The following RSRC2 variants were observed in gnomAD, a reference collection of about 807,000 sequenced individuals.
RSRC2 encodes arginine/serine-rich coiled-coil protein 2.
Under a neutral mutation model 61.3 loss-of-function variants are expected in RSRC2, and 5 were observed. The ratio of observed to expected loss-of-function variants is 0.08; its 90% CI spans 0.04 to 0.17. The LOEUF (loss-of-function observed/expected upper bound fraction) is 0.17. Ranked by LOEUF, RSRC2 falls within the 10% of genes least tolerant of loss-of-function variation. RSRC2 has a pLI of 1.00. For missense variants in RSRC2, 381 were observed against 518.8 expected (o/e 0.73, Z 2.58); for synonymous variants, 202 against 166.5 (o/e 1.21, Z -1.64).
At chr12:122,519,244 T>A (rs1046937216) in intron 3 of RSRC2, 8 of 494,744 alleles carry the variant, frequency 1.6e-5, no homozygotes, top group Non-Finnish European at 2.5e-5. Flanking sequence ...CTCCCCAAAA[T>A]ATTTTCAATA....
At chr12:122,506,184 G>A (rs897329314) in intron 9 of RSRC2, among the ~76,000 whole-genome samples, 1 of 151,894 alleles carries the variant, frequency 6.6e-6, no homozygotes, top group Non-Finnish European at 1.5e-5. Flanking sequence ...TCAGGATTTC[G>A]AGACTAGCCT....
chr12:122,523,107 G>C (rs1959473050), intron 1 of RSRC2: 1 of 152,114 alleles, frequency 6.6e-6, no homozygotes, highest in African/African-American at 2.4e-5. Context: ...TCCTCATTCT[G>C]TTTCTGTATG....
chr12:122,510,368 A>G (rs1958408759), intron 7 of RSRC2, among the ~76,000 whole-genome samples: 1 of 152,156 alleles, frequency 6.6e-6, no homozygotes, highest in Admixed American at 6.5e-5. Flanking sequence ...CGTCTCTACT[A>G]AAAATACAAA....
In RSRC2 at chr12:122,506,824, T is replaced by C; in HGVS notation, c.1125+10A>G. The C allele has an allele frequency of 6.5e-7, 1 of 1,528,224 alleles. No individual in the cohort carries two copies. Among genetic ancestry groups the C allele is most frequent in the African/African-American group, 1.4e-5 (1 of 73,098 alleles). The allele number at this position is 1,528,224 out of a possible 1,614,324, so 94.7% of individuals were successfully genotyped here. On this transcript the variant is annotated intron_variant, in intron 9 of 9. Transcript: ENST00000331738. ...TAATACAAAGATCCCCTGGCACATG[T>C]GAAACTCACCTTAATACCCATCAAT...
Position 122,518,971 on chromosome 12 carries a change from T to C in RSRC2, c.266A>G (p.Asn89Ser), listed in dbSNP as rs1428555265. 1 of 1,613,730 alleles carries C rather than the reference T, an allele frequency of 6.2e-7. No homozygotes were observed. The highest frequency in any genetic ancestry group is 8.5e-7 in the Non-Finnish European group (1 of 1,179,688). ...TTTATCAGAAGAATGTTCTTTGTCA[T>C]TATGTTCCTCAGACTTATGTTTCTT... ...SSKKHKSEEH[N>S]DKEHSSDKGR... Residue 89 changes from asparagine (N) to serine (S), a missense_variant, in exon 4 of 10, where the codon AAT becomes AGT. By Grantham distance (46) the Asn-to-Ser change is conservative. This residue lies in a region of RSRC2 where 266 missense variants were observed against 270.5 expected (regional missense o/e 0.98). Transcript: ENST00000331738.
At chr12:122,526,733 G>A in intron 1 of RSRC2, 115 bp downstream of exon 1, 1 of 1,206,034 alleles carries the variant, frequency 8.3e-7, no homozygotes, top group Non-Finnish European at 1.2e-6. Context: ...GAAGAAGGCC[G>A]CGGCGCCATT....
At chr12:122,511,226 T>C (rs765259492) in intron 6 of RSRC2, 38 bp from the exon 7 acceptor site, 14 of 1,446,786 alleles carry the variant, frequency 9.7e-6, no homozygotes, top group Non-Finnish European at 1.3e-5. Flanking sequence ...AATAACACAA[T>C]ATAAAACCAT....
intron 1 of RSRC2, chr12:122,526,173 A>C (rs1960333177): frequency 6.6e-6 from 1 of 152,294 alleles, no homozygotes; most frequent in Non-Finnish European, 1.5e-5. Flanking sequence ...ACTTAACTGT[A>C]ACGCTTCTCG....
intron 6 of RSRC2, 79 bp from the exon 7 acceptor site, chr12:122,511,267 C>G: frequency 9.9e-7 from 1 of 1,009,408 alleles, no homozygotes; most frequent in Non-Finnish European, 1.4e-6. Flanking sequence ...TGTGCATGTA[C>G]AGAGACAAGC....
intron 1 of RSRC2, among the ~76,000 whole-genome samples, chr12:122,524,420 G>C (rs535774747): frequency 5.3e-5 from 8 of 152,262 alleles, no homozygotes; most frequent in Middle Eastern, 6.8e-3. Context: ...TCCTTAACTA[G>C]TGGCAAATCC....
chr12:122,521,289 T>C (rs551167287), intron 3 of RSRC2, 96 bp downstream of exon 3: 19 of 887,656 alleles, frequency 2.1e-5, no homozygotes, highest in Non-Finnish European at 3.1e-5. Flanking sequence ...TCAAGTTTTG[T>C]ACTTACCTTG....
At chr12:122,521,996 G>T in intron 2 of RSRC2, 147 bp downstream of exon 2, 1 of 758,156 alleles carries the variant, frequency 1.3e-6, no homozygotes, top group Non-Finnish European at 2.1e-6. Context: ...CAGGTGATCT[G>T]CCTGCCTTGG....
chr12:122,511,372 TGAA>T (rs139321795), intron 6 of RSRC2, among the ~76,000 whole-genome samples, 184 bp from the exon 7 acceptor site: 1,689 of 152,304 alleles, frequency 0.011, 31 homozygotes, highest in African/African-American at 0.039. Flanking sequence ...AAGCTACATT[TGAA>T]GAATACCACA....
rs891007370 is a variant in RSRC2 at position 122,505,225 on chromosome 12, A to G, written c.*302T>C. ...AAAAGTACACAAGACAGCGGACACG[A>G]AAAAATCCATGTATGAGATTTTATC... On this transcript the variant is annotated 3_prime_UTR_variant, in exon 10 of 10. Transcript: ENST00000331738. 9.7e-5 allele frequency: 25 copies of G among 258,328 alleles called. No individual in the cohort carries two copies. The highest frequency in any genetic ancestry group is 1.5e-5 in the Non-Finnish European group (2 of 136,800). The allele number at this position is 258,328 out of a possible 1,614,324, so 16.0% of individuals were successfully genotyped here.
chr12:122,515,271 T>C (rs1958819153), intron 5 of RSRC2, 44 bp from the exon 6 acceptor site: 2 of 1,582,784 alleles, frequency 1.3e-6, no homozygotes, highest in East Asian at 2.2e-5. Context: ...GGCCAAGTCA[T>C]AACTATTTTG....
intron 8 of RSRC2, 173 bp downstream of exon 8, chr12:122,508,045 C>G: frequency 1.5e-6 from 1 of 676,816 alleles, no homozygotes; most frequent in Non-Finnish European, 2.7e-6. Context: ...CTCAACTGAT[C>G]CGCTCACTTG....
intron 6 of RSRC2, among the ~76,000 whole-genome samples, chr12:122,511,706 T>C (rs1958525762): frequency 6.6e-6 from 1 of 152,194 alleles, no homozygotes; most frequent in Admixed American, 6.5e-5. Flanking sequence ...TCTAATAAAA[T>C]GGGAGGAAAA....
chr12:122,518,732 G>C, intron 4 of RSRC2, 107 bp downstream of exon 4: 3 of 890,062 alleles, frequency 3.4e-6, no homozygotes, highest in Non-Finnish European at 5.3e-6. Context: ...CCAAACAAAC[G>C]AACAAGAAAA....
rs1052276002 is a variant in RSRC2, at chr12:122,503,920, A to G, written c.*1607T>C. ...CAACGTAACAAGACCTTGTCTTTAT[A>G]AAAAATTAAAAACAAGCTAGGTGTG... On this transcript the variant is annotated 3_prime_UTR_variant, in exon 10 of 10. Coordinates refer to ENST00000331738, the MANE Select transcript of RSRC2 (RefSeq NM_023012.6). 6.6e-6 allele frequency: 1 copy of G among 152,132 alleles called. No individual in the cohort carries two copies. Among genetic ancestry groups the G allele is most frequent in the Non-Finnish European group, 1.5e-5 (1 of 68,014 alleles). 9.4% of individuals were successfully genotyped at this position (152,132 alleles called of 1,614,324 possible).
Sources: gnomAD v4.1 joint callset for allele counts (sites outside exome capture counted in the v4.1 genomes callset) on GRCh38, gnomAD v4.1.1 for gene constraint, gnomAD v4.1.1 regional missense constraint, MANE v1.5 for transcripts, NCBI Gene and HGNC (gene_info 2026-07-23, HGNC 2026-07-21) for gene names.